NPL: variants seen among roughly 807,000 people sequenced by gnomAD.
NPL encodes the protein N-acetylneuraminate pyruvate lyase, also known as N-acetylneuraminate lyase.
In NPL, 32 loss-of-function variants were observed where a neutral mutation model predicts 41.1. The ratio of observed to expected loss-of-function variants is 0.78; its 90% confidence interval spans 0.59 to 1.05. The LOEUF is 1.05. Ranked by LOEUF, NPL falls within the 50% of genes least tolerant of loss-of-function variation. The probability of loss-of-function intolerance (pLI) is 0.00; values close to 1 mark genes in which losing one functional copy is unlikely to be tolerated. For synonymous variants in NPL, 128 were observed against 134.9 expected (o/e 0.95, Z 0.35); for missense variants, 321 against 378.4 (o/e 0.85, Z 1.26).
Position 182,829,419 on chromosome 1 carries a change from A to G in NPL, c.*511A>G, listed in dbSNP as rs1667711240. ...AATACACCAGCTCATTTGGCTGCTC[A>G]GTCTAACTCTAGAATGGATGCTTTT... On this transcript the variant is annotated 3_prime_UTR_variant, in exon 13 of 13. Transcript: ENST00000367553. 1 of 1,399,258 alleles carries G rather than the reference A, an allele frequency of 7.1e-7. No homozygotes were observed. Among genetic ancestry groups the G allele is most frequent in the Non-Finnish European group, 9.3e-7 (1 of 1,074,630 alleles). The allele number at this position is 1,399,258 out of a possible 1,614,324, so 86.7% of individuals were successfully genotyped here. A position where few individuals can be genotyped will look rare whatever the true frequency, so the allele number is the denominator to read the frequency against.
At chr1:182,800,725 CTTT>C (rs56908108) in intron 3 of NPL, among the ~76,000 whole-genome samples, 2 of 101,740 alleles carry the variant, frequency 2.0e-5, no homozygotes, top group African/African-American at 8.6e-5. Flanking sequence ...GTAGCCCTGG[CTTT>C]TTTTTTTTTT....
rs1018315611 is a variant in NPL, at chr1:182,829,555, A to G, written c.*647A>G. On this transcript the variant is annotated 3_prime_UTR_variant, in exon 13 of 13. Coordinates refer to ENST00000367553, the MANE Select transcript of NPL (RefSeq NM_030769.3). ...GGGCGGCTTTCTCATAACAAAGGAAAAAGTCTTCCCCAAAGATGAATTTAA... is the reference window on the plus strand; with the variant it reads ...GGGCGGCTTTCTCATAACAAAGGAAGAAGTCTTCCCCAAAGATGAATTTAA... 7 of 1,530,146 alleles carry G rather than the reference A, an allele frequency of 4.6e-6. No individual in the cohort carries two copies. In the African/African-American group the frequency reaches 5.5e-5, roughly 12 times the overall value. 94.8% of individuals were successfully genotyped at this position (1,530,146 alleles called of 1,614,324 possible). A position where few individuals can be genotyped will look rare whatever the true frequency, so the allele number is the denominator to read the frequency against.
In NPL at chr1:182,806,131, CTT is replaced by C; in HGVS notation, c.143-12_143-11del. ...TGCTCCTTGGTCCTGCTGACTTACTCTTTGTTTGAACAGTGAATGGCACAACA... is the reference window on the plus strand; with the variant it reads ...TGCTCCTTGGTCCTGCTGACTTACTCTGTTTGAACAGTGAATGGCACAACA... On this transcript the variant is annotated splice_polypyrimidine_tract_variant and intron_variant, in intron 4 of 12. Coordinates refer to ENST00000367553, the MANE Select transcript of NPL (RefSeq NM_030769.3). 1.2e-6 allele frequency: 2 copies of C among 1,614,160 alleles called. No individual in the cohort carries two copies. The highest frequency in any genetic ancestry group is 3.3e-4 in the Middle Eastern group (2 of 6,050).
In NPL at chr1:182,829,364, T is replaced by G; in HGVS notation, c.*456T>G. The stretch of plus-strand genomic sequence containing the variant: ...TTAGGCAGGCACTTTAATACCAAAC[T>G]GTAACATGTCTCAACTGTATACAAC... On this transcript the variant is annotated 3_prime_UTR_variant, in exon 13 of 13. Coordinates refer to ENST00000367553, the MANE Select transcript of NPL (RefSeq NM_030769.3). 7.8e-7 allele frequency: 1 copy of G among 1,276,834 alleles called. No homozygotes were observed. The highest frequency in any genetic ancestry group is 9.9e-7 in the Non-Finnish European group (1 of 1,009,730). The allele number at this position is 1,276,834 out of a possible 1,614,324, so 79.1% of individuals were successfully genotyped here. A position where few individuals can be genotyped will look rare whatever the true frequency, so the allele number is the denominator to read the frequency against.
chr1:182,799,819 T>C (rs577180483), intron 3 of NPL, among the ~76,000 whole-genome samples: 1 of 151,294 alleles, frequency 6.6e-6, no homozygotes, highest in South Asian at 2.1e-4. Flanking sequence ...AATTAAGACA[T>C]TAAACTGGGT....
chr1:182,817,496 G>A (rs1048741008), intron 8 of NPL, among the ~76,000 whole-genome samples: 1 of 152,160 alleles, frequency 6.6e-6, no homozygotes, highest in Non-Finnish European at 1.5e-5. Context: ...AGACGAACTG[G>A]GTGTCCTCTA....
chr1:182,794,517 A>G (rs548064115), intron 3 of NPL, 78 bp downstream of exon 3: 2 of 1,393,966 alleles, frequency 1.4e-6, no homozygotes, highest in Non-Finnish European at 2.0e-6. Flanking sequence ...AACAACAGTC[A>G]CTTAAGACCC....
In NPL at chr1:182,814,323, G is replaced by A. The variant is rs148037467; in HGVS notation, c.289-460G>A. 8.9e-4 allele frequency among the ~76,000 whole-genome samples: 135 copies of A among 152,310 alleles called. 1 individual carries two copies. In the East Asian group the frequency reaches 0.015, roughly 17 times the overall value. ...TTTGAGAAAATATCAGAAACATGGT[G>A]CAGAGTATCTTCTGTGATGTATATA... On this transcript the variant is annotated intron_variant, in intron 6 of 12. Coordinates refer to ENST00000367553, the MANE Select transcript of NPL (RefSeq NM_030769.3).
intron 12 of NPL, 51 bp downstream of exon 12, chr1:182,825,871 A>T: frequency 7.6e-7 from 1 of 1,311,054 alleles, no homozygotes; most frequent in Non-Finnish European, 1.1e-6. Context: ...CTGTAAAGAA[A>T]ATGGAATACC....
intron 3 of NPL, among the ~76,000 whole-genome samples, chr1:182,797,473 T>A (rs964809106): frequency 1.3e-5 from 2 of 152,174 alleles, no homozygotes; most frequent in Admixed American, 6.5e-5. Flanking sequence ...AAGCCCAGAC[T>A]CCCTGGGATG....
At chr1:182,826,317 C>T (rs973093975) in intron 12 of NPL, 2 of 163,938 alleles carry the variant, frequency 1.2e-5, no homozygotes, top group Non-Finnish European at 2.7e-5. Context: ...GGGAGAAATA[C>T]AGTGAATTTG....
At position 182,829,436 on chromosome 1, in the gene NPL, G is replaced by A. The variant is rs569149338; in HGVS notation, c.*528G>A. Reference sequence around the variant, plus strand: ...GGCTGCTCAGTCTAACTCTAGAATGGATGCTTTTGAATTCATTTCGATGTC... The same window carrying A: ...GGCTGCTCAGTCTAACTCTAGAATGAATGCTTTTGAATTCATTTCGATGTC... On this transcript the variant is annotated 3_prime_UTR_variant, in exon 13 of 13. Transcript: ENST00000367553. The A allele has an allele frequency of 2.1e-6, 3 of 1,424,558 alleles. No homozygotes were observed. Among genetic ancestry groups the A allele is most frequent in the Non-Finnish European group, 2.8e-6 (3 of 1,088,136 alleles). 88.2% of individuals were successfully genotyped at this position (1,424,558 alleles called of 1,614,324 possible). A position where few individuals can be genotyped will look rare whatever the true frequency, so the allele number is the denominator to read the frequency against.
chr1:182,826,154 G>A, intron 12 of NPL: 2 of 387,592 alleles, frequency 5.2e-6, no homozygotes, highest in Non-Finnish European at 4.8e-6. Flanking sequence ...GTGCTTGGAG[G>A]AAGGCAGTCT....
intron 5 of NPL, chr1:182,806,468 G>A: frequency 6.5e-7 from 1 of 1,536,312 alleles, no homozygotes; most frequent in African/African-American, 1.4e-5. Flanking sequence ...GTTCCGCTGG[G>A]AAACTGCTTC....
chr1:182,806,362 A>G, intron 5 of NPL, 130 bp downstream of exon 5: 1 of 1,552,264 alleles, frequency 6.4e-7, no homozygotes, highest in Non-Finnish European at 8.7e-7. Context: ...TGGGAAGATG[A>G]GCAGGGCCCC....
Position 182,829,457 on chromosome 1 carries a change from A to G in NPL, c.*549A>G, listed in dbSNP as rs1054078002. 8.3e-6 allele frequency: 12 copies of G among 1,443,846 alleles called. No individual in the cohort carries two copies. The highest frequency in any genetic ancestry group is 6.1e-5 in the South Asian group (4 of 65,770). The allele number at this position is 1,443,846 out of a possible 1,614,324, so 89.4% of individuals were successfully genotyped here. On this transcript the variant is annotated 3_prime_UTR_variant, in exon 13 of 13. Coordinates refer to ENST00000367553, the MANE Select transcript of NPL (RefSeq NM_030769.3). ...AATGGATGCTTTTGAATTCATTTCG[A>G]TGTCACCACTTTTCGCTCTTTAAAA...
chr1:182,822,277 A>G (rs1667510315), intron 11 of NPL, 78 bp downstream of exon 11: 2 of 922,420 alleles, frequency 2.2e-6, no homozygotes, highest in Non-Finnish European at 3.6e-6. Context: ...TCTCTCTACC[A>G]TGCCTGCCCT....
At chr1:182,799,114 C>A (rs1666760530) in intron 3 of NPL, among the ~76,000 whole-genome samples, 1 of 152,098 alleles carries the variant, frequency 6.6e-6, no homozygotes, top group Non-Finnish European at 1.5e-5. Context: ...AGGGATTTCT[C>A]CCTGAAAAGC....
intron 5 of NPL, among the ~76,000 whole-genome samples, chr1:182,810,693 A>G (rs185232198): frequency 6.6e-6 from 1 of 151,244 alleles, no homozygotes; most frequent in African/African-American, 2.4e-5. Flanking sequence ...TTTCCTCCCA[A>G]ACTTGTTTTT....
Sources: gnomAD v4.1 joint callset for allele counts (sites outside exome capture counted in the v4.1 genomes callset) on GRCh38, gnomAD v4.1.1 for gene constraint, MANE v1.5 for transcripts, NCBI Gene and HGNC (gene_info 2026-07-23, HGNC 2026-07-21) for gene names.